RAB38: variants seen among roughly 807,000 people sequenced by gnomAD.
RAB38 encodes the protein ras-related protein Rab-38.
In RAB38, 15 loss-of-function variants were observed where a neutral mutation model predicts 18.4. The ratio of observed to expected loss-of-function variants is 0.82; its 90% CI spans 0.55 to 1.26. The LOEUF (loss-of-function observed/expected upper bound fraction) is 1.26, where lower values mean the gene tolerates loss of function less well. Ranked by LOEUF, RAB38 falls within the 50% of genes most tolerant of loss-of-function variation. The pLI is 0.00. For missense variants in RAB38, 294 were observed against 267.4 expected (o/e 1.10, Z -0.69); for synonymous variants, 101 against 104.4 (o/e 0.97, Z 0.20).
At chr11:88,130,216 A>G (rs1942749949) in intron 2 of RAB38, among the ~76,000 whole-genome samples, 1 of 152,198 alleles carries the variant, frequency 6.6e-6, no homozygotes, top group South Asian at 2.1e-4. Context: ...GGAAGAAGAA[A>G]AAGGAAACCC....
the RAB38 span, among the ~76,000 whole-genome samples, chr11:87,936,162 A>AT: frequency 2.0e-5 from 3 of 151,698 alleles, no homozygotes; most frequent in Non-Finnish European, 4.4e-5. Flanking sequence ...CAAATTATCA[A>AT]TTTTTTTCTT....
chr11:87,971,730 T>C, the RAB38 span, among the ~76,000 whole-genome samples: 1 of 152,014 alleles, frequency 6.6e-6, no homozygotes, highest in African/African-American at 2.4e-5. Flanking sequence ...GAACAAGATA[T>C]TGTTGGAAGA....
intron 2 of RAB38, among the ~76,000 whole-genome samples, chr11:88,129,931 T>C (rs1298641196): frequency 6.6e-6 from 1 of 151,010 alleles, no homozygotes; most frequent in Non-Finnish European, 1.5e-5. Context: ...TTCAAAGGTG[T>C]GGAACAAAAA....
chr11:88,093,655 C>A, the RAB38 span, among the ~76,000 whole-genome samples: 2 of 151,864 alleles, frequency 1.3e-5, no homozygotes, highest in Non-Finnish European at 2.9e-5. Flanking sequence ...CCAGAAAGGG[C>A]TTTCTAAAAT....
At chr11:87,880,031 G>A in the RAB38 span, 1 of 151,622 alleles carries the variant, frequency 6.6e-6, no homozygotes, top group African/African-American at 2.4e-5. Flanking sequence ...ATAGTAATAA[G>A]TTCAGATATA....
the RAB38 span, among the ~76,000 whole-genome samples, chr11:88,072,268 A>G: frequency 0.64 from 97,886 of 151,970 alleles, 32,047 homozygotes; most frequent in African/African-American, 0.75. Flanking sequence ...AGAGAAACAG[A>G]TCCTCACTGT....
the RAB38 span, among the ~76,000 whole-genome samples, chr11:87,916,031 G>A: frequency 6.6e-6 from 1 of 152,112 alleles, no homozygotes; most frequent in Non-Finnish European, 1.5e-5. Flanking sequence ...TTTACCAAAT[G>A]TCTGTCTCAC....
At chr11:88,046,358 C>T in the RAB38 span, among the ~76,000 whole-genome samples, 4 of 152,186 alleles carry the variant, frequency 2.6e-5, no homozygotes, top group African/African-American at 9.7e-5. Context: ...TCCCTATCCA[C>T]CCCATGGTGC....
chr11:87,853,184 A>G, the RAB38 span, among the ~76,000 whole-genome samples: 1 of 152,182 alleles, frequency 6.6e-6, no homozygotes, highest in Non-Finnish European at 1.5e-5. Flanking sequence ...ATTTCATTCA[A>G]GGCAGAAAGA....
At chr11:87,909,999 G>C in the RAB38 span, among the ~76,000 whole-genome samples, 18 of 152,114 alleles carry the variant, frequency 1.2e-4, no homozygotes, top group East Asian at 3.3e-3. Context: ...TTTTCAGCGT[G>C]GTTAGACCCT....
At chr11:88,040,272 T>C in the RAB38 span, among the ~76,000 whole-genome samples, 1 of 152,188 alleles carries the variant, frequency 6.6e-6, no homozygotes, top group African/African-American at 2.4e-5. Flanking sequence ...CCTCTCTCCT[T>C]CACTTGTAGA....
chr11:87,893,611 C>T, the RAB38 span, among the ~76,000 whole-genome samples: 1 of 151,140 alleles, frequency 6.6e-6, no homozygotes, highest in African/African-American at 2.4e-5. Flanking sequence ...TGCAATAGAG[C>T]TCTAAAACTT....
the RAB38 span, among the ~76,000 whole-genome samples, chr11:87,967,757 A>G: frequency 2.6e-5 from 4 of 152,216 alleles, no homozygotes; most frequent in African/African-American, 4.8e-5. Context: ...AGAAGGAATA[A>G]AATGAGTGAG....
chr11:88,041,491 A>C, the RAB38 span, among the ~76,000 whole-genome samples: 1 of 152,230 alleles, frequency 6.6e-6, no homozygotes, highest in African/African-American at 2.4e-5. Context: ...TCAGAGTTTT[A>C]CCCAAATGAT....
the RAB38 span, among the ~76,000 whole-genome samples, chr11:87,809,104 A>C: frequency 6.6e-6 from 1 of 152,192 alleles, no homozygotes; most frequent in Non-Finnish European, 1.5e-5. Flanking sequence ...TCCTAGGTTT[A>C]AATCCACATA....
the RAB38 span, among the ~76,000 whole-genome samples, chr11:87,943,442 CT>C: frequency 1.1e-4 from 16 of 152,088 alleles, no homozygotes; most frequent in Non-Finnish European, 2.1e-4. Flanking sequence ...GGTTACCACC[CT>C]TCTATTCATT....
the RAB38 span, among the ~76,000 whole-genome samples, chr11:87,963,354 G>T: frequency 1.3e-5 from 2 of 152,134 alleles, no homozygotes; most frequent in African/African-American, 4.8e-5. Flanking sequence ...AATCAGTTGT[G>T]AGTAAGGCAT....
the RAB38 span, among the ~76,000 whole-genome samples, chr11:88,100,954 A>C: frequency 6.6e-6 from 1 of 152,008 alleles, no homozygotes; most frequent in Non-Finnish European, 1.5e-5. Flanking sequence ...ATCTTTCTCA[A>C]GGATACTGAA....
intron 1 of RAB38, among the ~76,000 whole-genome samples, chr11:88,160,535 G>A (rs1239268362): frequency 6.6e-6 from 1 of 152,054 alleles, no homozygotes; most frequent in East Asian, 1.9e-4. Context: ...GCACTCACAT[G>A]TTCATTGCAA....
Sources: gnomAD v4.1 joint callset for allele counts (sites outside exome capture counted in the v4.1 genomes callset) on GRCh38, gnomAD v4.1.1 for gene constraint, MANE v1.5 for transcripts, NCBI Gene and HGNC (gene_info 2026-07-23, HGNC 2026-07-21) for gene names.